Variants in PTPRD observed in about 807,000 individuals in gnomAD.
PTPRD encodes protein tyrosine phosphatase receptor type D.
A neutral mutation model predicts 214.5 loss-of-function variants in PTPRD; 34 were observed. The ratio of observed to expected loss-of-function variants is 0.16; its 90% confidence interval spans 0.12 to 0.21. The LOEUF (loss-of-function observed/expected upper bound fraction) is 0.21. Among genes scored for constraint, PTPRD ranks in the 10% least tolerant of loss-of-function variants. The pLI is 1.00. For missense variants in PTPRD, 2,545 were observed against 2,398.7 expected (o/e 1.06, Z -1.27); for synonymous variants, 1,128 against 845.7 (o/e 1.33, Z -5.79).
intron 3 of PTPRD, among the ~76,000 whole-genome samples, chr9:10,144,332 A>G (rs1166316223): frequency 6.6e-6 from 1 of 152,100 alleles, no homozygotes; most frequent in Non-Finnish European, 1.5e-5. Flanking sequence ...GACTTAGTAA[A>G]ATAATAAATA....
chr9:10,020,475 G>A (rs1286680513), intron 4 of PTPRD, among the ~76,000 whole-genome samples: 1 of 124,694 alleles, frequency 8.0e-6, no homozygotes, highest in Admixed American at 8.6e-5. Context: ...GCTAATTTTT[G>A]TTTTTTTAGT....
chr9:10,028,474 G>T (rs141699947), intron 4 of PTPRD, among the ~76,000 whole-genome samples: 197 of 152,284 alleles, frequency 1.3e-3, no homozygotes, highest in African/African-American at 4.4e-3. Context: ...ATGTAGGAAA[G>T]TTTGGAACTC....
At chr9:9,035,755 AT>A (rs149344543) in intron 10 of PTPRD, among the ~76,000 whole-genome samples, 36 of 150,140 alleles carry the variant, frequency 2.4e-4, no homozygotes, top group East Asian at 3.9e-4. Flanking sequence ...AAAGGGTGTG[AT>A]TTTTTTTTTC....
At chr9:8,622,531 C>G (rs773468942) in intron 14 of PTPRD, among the ~76,000 whole-genome samples, 2 of 151,906 alleles carry the variant, frequency 1.3e-5, no homozygotes, top group African/African-American at 4.8e-5. Context: ...TGTATAACTG[C>G]CTTGTCATTT....
intron 2 of PTPRD, among the ~76,000 whole-genome samples, chr9:10,363,895 C>T (rs890375760): frequency 6.6e-6 from 1 of 151,046 alleles, no homozygotes; most frequent in Non-Finnish European, 1.5e-5. Context: ...TTAATTGCTT[C>T]TGGACACTAT....
chr9:9,321,810 A>G (rs1966714505), intron 9 of PTPRD, among the ~76,000 whole-genome samples: 1 of 152,174 alleles, frequency 6.6e-6, no homozygotes, highest in African/African-American at 2.4e-5. Flanking sequence ...TGAGAGGATT[A>G]AATGAGATAA....
intron 11 of PTPRD, among the ~76,000 whole-genome samples, chr9:8,824,195 T>C (rs887644112): frequency 6.6e-6 from 1 of 152,198 alleles, no homozygotes; most frequent in South Asian, 2.1e-4. Flanking sequence ...GCCTTAATCG[T>C]CTGGGAATGC....
intron 7 of PTPRD, among the ~76,000 whole-genome samples, chr9:9,632,842 G>T (rs1431612802): frequency 6.6e-6 from 1 of 152,158 alleles, no homozygotes; most frequent in Non-Finnish European, 1.5e-5. Flanking sequence ...CTTCCCAGAG[G>T]ATGTGATTTT....
At chr9:8,488,950 A>C (rs2097093511) in intron 27 of PTPRD, among the ~76,000 whole-genome samples, 1 of 152,186 alleles carries the variant, frequency 6.6e-6, no homozygotes, top group Non-Finnish European at 1.5e-5. Context: ...AATTTTTTGA[A>C]ATTCTAGTTC....
At chr9:9,880,039 T>C (rs548714348) in intron 5 of PTPRD, among the ~76,000 whole-genome samples, 17 of 152,230 alleles carry the variant, frequency 1.1e-4, no homozygotes, top group Non-Finnish European at 2.5e-4. Flanking sequence ...AATCCCCACA[T>C]GTCGAGGGGG....
At chr9:10,132,563 C>T (rs189301095) in intron 3 of PTPRD, among the ~76,000 whole-genome samples, 1 of 152,244 alleles carries the variant, frequency 6.6e-6, no homozygotes, top group East Asian at 1.9e-4. Flanking sequence ...TTTCAGTACA[C>T]ATACTTGGAG....
In PTPRD at chr9:8,791,389, C is replaced by T. The variant is rs868687854; in HGVS notation, c.-103-57443G>A. Among the ~76,000 whole-genome samples the T allele has an allele frequency of 5.9e-4, 89 of 151,946 alleles. 1 individual carries two copies. Among genetic ancestry groups the T allele is most frequent in the African/African-American group, 2.0e-3 (84 of 41,448 alleles). Reference sequence around the variant, plus strand: ...TACAGGCGCACACCATCACACCCAGCTAATTTTTGTATTTTTAGTAGAGAC... The same window carrying T: ...TACAGGCGCACACCATCACACCCAGTTAATTTTTGTATTTTTAGTAGAGAC... On this transcript the variant is annotated intron_variant, in intron 11 of 45. Coordinates refer to ENST00000381196, the MANE Select transcript of PTPRD (RefSeq NM_002839.4).
intron 14 of PTPRD, among the ~76,000 whole-genome samples, chr9:8,573,943 T>G (rs963364708): frequency 6.6e-6 from 1 of 151,980 alleles, no homozygotes; most frequent in Non-Finnish European, 1.5e-5. Context: ...TATTTTAACT[T>G]CATTTAGGGC....
At chr9:9,295,070 G>T (rs1461243297) in intron 9 of PTPRD, among the ~76,000 whole-genome samples, 1 of 151,664 alleles carries the variant, frequency 6.6e-6, no homozygotes, top group Non-Finnish European at 1.5e-5. Flanking sequence ...CCAAAACAGT[G>T]TTCAAACTTT....
intron 10 of PTPRD, among the ~76,000 whole-genome samples, chr9:9,157,593 A>G (rs937740133): frequency 2.6e-5 from 4 of 152,220 alleles, no homozygotes; most frequent in Admixed American, 1.3e-4. Flanking sequence ...TAAAGAGACC[A>G]AAAATGAGGA....
intron 21 of PTPRD, among the ~76,000 whole-genome samples, chr9:8,516,958 C>G (rs1448046048): frequency 6.6e-6 from 1 of 151,722 alleles, no homozygotes; most frequent in Non-Finnish European, 1.5e-5. Flanking sequence ...ATTACAGGTG[C>G]CTGCTACCAT....
chr9:10,007,238 T>A (rs2096497924), intron 4 of PTPRD, among the ~76,000 whole-genome samples: 1 of 151,996 alleles, frequency 6.6e-6, no homozygotes, highest in African/African-American at 2.4e-5. Context: ...TCATTTTGCT[T>A]CATTTTTATT....
intron 9 of PTPRD, among the ~76,000 whole-genome samples, chr9:9,334,919 T>C (rs1034160525): frequency 1.3e-5 from 2 of 152,002 alleles, no homozygotes; most frequent in African/African-American, 2.4e-5. Context: ...AATAAGTTAA[T>C]AGTAATTTTT....
chr9:8,846,870 C>A (rs1054600904), intron 11 of PTPRD, among the ~76,000 whole-genome samples: 1 of 152,124 alleles, frequency 6.6e-6, no homozygotes, highest in Admixed American at 6.5e-5. Flanking sequence ...CAGGGAGCCA[C>A]TGAAATATTT....
Sources: gnomAD v4.1 joint callset for allele counts (sites outside exome capture counted in the v4.1 genomes callset) on GRCh38, gnomAD v4.1.1 for gene constraint, MANE v1.5 for transcripts, NCBI Gene and HGNC (gene_info 2026-07-23, HGNC 2026-07-21) for gene names.